The following ATXN10 variants were observed in gnomAD, a reference collection of about 807,000 sequenced individuals.
ATXN10 encodes the protein ataxin-10.
ATXN10 carries 28 observed loss-of-function variants against 52.9 expected under a neutral mutation model. The observed-to-expected ratio is 0.53, with a 90% CI of 0.39 to 0.73. ATXN10 has a LOEUF of 0.73. ATXN10 is among the 30% of genes least tolerant of loss of function. The probability of loss-of-function intolerance (pLI) is 0.00; values close to 1 mark genes in which losing one functional copy is unlikely to be tolerated. For missense variants in ATXN10, 565 were observed against 577.0 expected, an observed-to-expected ratio of 0.98 and a Z score of 0.21; for synonymous variants, 226 against 221.5, an observed-to-expected ratio of 1.02 and a Z score of -0.18.
chr22:45,714,245 T>C (rs1924361220), intron 5 of ATXN10, among the ~76,000 whole-genome samples: 1 of 152,154 alleles, frequency 6.6e-6, no homozygotes, highest in African/African-American at 2.4e-5. Flanking sequence ...TGTATTCTAA[T>C]TTTCTTTACC....
intron 5 of ATXN10, among the ~76,000 whole-genome samples, chr22:45,706,457 T>C (rs114551603): frequency 9.8e-5 from 15 of 152,314 alleles, no homozygotes; most frequent in African/African-American, 3.6e-4. Context: ...TTTGGTTTGC[T>C]CTTCTTTTTC....
chr22:45,775,909 C>T lies in ATXN10; in HGVS notation c.1174-31050C>T, dbSNP rs1712999355. On this transcript the variant is annotated intron_variant, in intron 9 of 11. Transcript: ENST00000252934. This position sits in a 1 kb window ranked among gnomAD's most constrained non-coding sequence, Gnocchi z 4.7. Reference sequence around the variant, plus strand: ...TTGCTGGTGTTTGAAACCTGGAGCTCCCGGAGATTAAGTGGAGCCACCATG... The same window carrying T: ...TTGCTGGTGTTTGAAACCTGGAGCTTCCGGAGATTAAGTGGAGCCACCATG... 6.6e-6 allele frequency among the ~76,000 whole-genome samples: 1 copy of T among 152,124 alleles called. No individual in the cohort carries two copies. Among genetic ancestry groups the T allele is most frequent in the Non-Finnish European group, 1.5e-5 (1 of 68,026 alleles).
intron 9 of ATXN10, among the ~76,000 whole-genome samples, chr22:45,797,127 C>T (rs893672711): frequency 8.5e-5 from 13 of 152,094 alleles, no homozygotes; most frequent in African/African-American, 1.7e-4. Flanking sequence ...CAGTCATAAT[C>T]GGAGATATCA....
rs572756607 is a variant in ATXN10, at chr22:45,837,204, A to T, written c.1238-5787A>T. Among the ~76,000 whole-genome samples, 2 of 152,322 alleles carry T rather than the reference A, an allele frequency of 1.3e-5. No homozygotes were observed. The highest frequency in any genetic ancestry group is 3.9e-4 in the East Asian group (2 of 5,190). ...AAAAGTCTTTTAACACATTTAAATC[A>T]TTTTAATTTACATAATGCATATTTT... is the stretch of plus-strand genomic sequence containing the variant. On this transcript the variant is annotated intron_variant, in intron 10 of 11. Coordinates refer to ENST00000252934, the MANE Select transcript of ATXN10 (RefSeq NM_013236.4). The surrounding 1 kb of genome is among the most constrained non-coding windows in gnomAD (Gnocchi z 5.8).
At chr22:45,725,887 C>T (rs373572844) in intron 6 of ATXN10, among the ~76,000 whole-genome samples, 1 of 151,932 alleles carries the variant, frequency 6.6e-6, no homozygotes, top group Non-Finnish European at 1.5e-5. Context: ...TTTTGTTGAA[C>T]GTTTTTTCTG....
chr22:45,740,459 A>T lies in ATXN10; in HGVS notation c.1094A>T (p.Asn365Ile). The T allele has an allele frequency of 1.2e-6, 2 of 1,613,946 alleles. No homozygotes were observed. Among genetic ancestry groups the T allele is most frequent in the Non-Finnish European group, 1.7e-6 (2 of 1,179,914 alleles). Residue 365 changes from asparagine to isoleucine, a missense_variant, in exon 9 of 12, where the codon AAT becomes ATT. Transcript: ENST00000252934. Reference protein sequence around the residue: ...GCVRAEGDISNVANGFKSHLI... With the variant: ...GCVRAEGDISIVANGFKSHLI... ...GTGAGAGCAGAAGGTGACATCTCCA[A>T]TGTGGCCAATGGGTTTAAGTCTCAT...
In ATXN10 at chr22:45,727,221, C is replaced by A. The variant is rs944825315; in HGVS notation, c.729-2204C>A. 6.6e-6 allele frequency among the ~76,000 whole-genome samples: 1 copy of A among 152,072 alleles called. No individual in the cohort carries two copies. Among genetic ancestry groups the A allele is most frequent in the Non-Finnish European group, 1.5e-5 (1 of 68,024 alleles). ...CATGCAGGAGCAGCTTGTTTAATTT[C>A]CGTGTATTTATGTAGTTTTGAGGGT... On this transcript the variant is annotated intron_variant, in intron 6 of 11. Transcript: ENST00000252934. This position sits in a 1 kb window ranked among gnomAD's most constrained non-coding sequence, Gnocchi z 4.6.
rs758336493 is a variant in ATXN10 at position 45,843,684 on chromosome 22, C to G, written c.*13C>G. On this transcript the variant is annotated 3_prime_UTR_variant, in exon 12 of 12. Transcript: ENST00000252934. The surrounding 1 kb of genome is among the most constrained non-coding windows in gnomAD (Gnocchi z 4.5). ...TCTTCTTTAGTGAATGAACTACATC[C>G]AAATACCTGAATTTTTGGAATCTGT... 2.0e-5 allele frequency: 32 copies of G among 1,610,696 alleles called. No individual in the cohort carries two copies. In the East Asian group the frequency reaches 5.4e-4, roughly 27 times the overall value.
intron 1 of ATXN10, chr22:45,676,521 C>G (rs961417489): frequency 2.6e-5 from 4 of 151,540 alleles, no homozygotes; most frequent in African/African-American, 9.7e-5. Flanking sequence ...CTCTTGTTGC[C>G]CAGGTTGGAG....
chr22:45,769,747 G>A lies in ATXN10; in HGVS notation c.1173+29209G>A, dbSNP rs1243240032. On this transcript the variant is annotated intron_variant, in intron 9 of 11. Transcript: ENST00000252934. This position sits in a 1 kb window ranked among gnomAD's most constrained non-coding sequence, Gnocchi z 4.2. ...GGCCTCTTTTCTCTTGCCTTCTCGA[G>A]TAGCCTGACAAGATGTCTGCCAGGT... Among the ~76,000 whole-genome samples the A allele has an allele frequency of 6.6e-6, 1 of 152,162 alleles. No individual in the cohort carries two copies. The highest frequency in any genetic ancestry group is 2.4e-5 in the African/African-American group (1 of 41,434).
At position 45,672,116 on chromosome 22, in the gene ATXN10, CG is replaced by C; in HGVS notation, c.54del (p.Ile20SerfsTer35). ...AGGCTGTCGGGCGTCATGGTGCCGG[CG>C]CCCATCCAAGACCTGGAGGCCCTGC... The part of the protein sequence containing the change: ...PARLSGVMVP[A>X]PIQDLEALRA... On this transcript the variant is annotated frameshift_variant, in exon 1 of 12. Coordinates refer to ENST00000252934, the MANE Select transcript of ATXN10 (RefSeq NM_013236.4). LOFTEE classifies it high-confidence loss of function. 6.5e-7 allele frequency: 1 copy of C among 1,540,180 alleles called. No homozygotes were observed. Among genetic ancestry groups the C allele is most frequent in the Non-Finnish European group, 8.7e-7 (1 of 1,145,590 alleles).
rs1926592992 is a variant in ATXN10 at position 45,766,674 on chromosome 22, T to A, written c.1173+26136T>A. Among the ~76,000 whole-genome samples the A allele has an allele frequency of 6.6e-6, 1 of 151,688 alleles. No homozygotes were observed. Among genetic ancestry groups the A allele is most frequent in the Non-Finnish European group, 1.5e-5 (1 of 68,020 alleles). Reference sequence around the variant, plus strand: ...GCAATAAGAGAAAAGGTTGATAAATTTAAGTACATTTTTAAAAAGTTGGAT... The same window carrying A: ...GCAATAAGAGAAAAGGTTGATAAATATAAGTACATTTTTAAAAAGTTGGAT... On this transcript the variant is annotated intron_variant, in intron 9 of 11. Transcript: ENST00000252934. The surrounding 1 kb of genome is among the most constrained non-coding windows in gnomAD (Gnocchi z 4.6).
In ATXN10 at chr22:45,744,199, T is replaced by G. The variant is rs1319875063; in HGVS notation, c.1173+3661T>G. Reference sequence around the variant, plus strand: ...TCTGGCATCATCTGGGGACCATGCTTGCCTCTTTGAATCAGAATCTCAAAA... The same window carrying G: ...TCTGGCATCATCTGGGGACCATGCTGGCCTCTTTGAATCAGAATCTCAAAA... On this transcript the variant is annotated intron_variant, in intron 9 of 11. Coordinates refer to ENST00000252934, the MANE Select transcript of ATXN10 (RefSeq NM_013236.4). This position sits in a 1 kb window ranked among gnomAD's most constrained non-coding sequence, Gnocchi z 4.9. Among the ~76,000 whole-genome samples, 1 of 152,204 alleles carries G rather than the reference T, an allele frequency of 6.6e-6. No individual in the cohort carries two copies. Among genetic ancestry groups the G allele is most frequent in the Non-Finnish European group, 1.5e-5 (1 of 68,042 alleles).
At chr22:45,702,069 C>G (rs1601596191) in intron 4 of ATXN10, among the ~76,000 whole-genome samples, 1 of 152,034 alleles carries the variant, frequency 6.6e-6, no homozygotes, top group East Asian at 1.9e-4. Flanking sequence ...CCAAGTGAAG[C>G]TAACAAATTC....
At chr22:45,836,367 T>C (rs1569083831) in intron 10 of ATXN10, among the ~76,000 whole-genome samples, 1 of 152,234 alleles carries the variant, frequency 6.6e-6, no homozygotes, top group Admixed American at 6.5e-5. Context: ...AGTAAGGGGA[T>C]CTTCAGATGT....
Position 45,684,666 on chromosome 22 carries a change from T to C in ATXN10, c.117-5046T>C, listed in dbSNP as rs921532932. On this transcript the variant is annotated intron_variant, in intron 1 of 11. Transcript: ENST00000252934. This position sits in a 1 kb window ranked among gnomAD's most constrained non-coding sequence, Gnocchi z 4.1. ...TGTTTGGCCATCAGAGCTGGAAATA[T>C]TCACTCTCTGACCCTTTACAGAAAA... Among the ~76,000 whole-genome samples the C allele has an allele frequency of 8.5e-5, 13 of 152,294 alleles. No homozygotes were observed. In the South Asian group the frequency reaches 1.7e-3, roughly 19 times the overall value.
At position 45,784,712 on chromosome 22, in the gene ATXN10, A is replaced by G. The variant is rs1202804339; in HGVS notation, c.1174-22247A>G. 1.3e-5 allele frequency among the ~76,000 whole-genome samples: 2 copies of G among 152,176 alleles called. No individual in the cohort carries two copies. Among genetic ancestry groups the G allele is most frequent in the Non-Finnish European group, 1.5e-5 (1 of 68,028 alleles). ...CCTCATGGCTATTCTTACACATTCC[A>G]GATAGTCATTCTGAGGGCTGCTGTG... On this transcript the variant is annotated intron_variant, in intron 9 of 11. Transcript: ENST00000252934. This position sits in a 1 kb window ranked among gnomAD's most constrained non-coding sequence, Gnocchi z 4.2.
rs192663640 is a variant in ATXN10, at chr22:45,754,770, G to A, written c.1173+14232G>A. 2.0e-5 allele frequency among the ~76,000 whole-genome samples: 3 copies of A among 152,338 alleles called. No homozygotes were observed. In the East Asian group the frequency reaches 5.8e-4, roughly 29 times the overall value. On this transcript the variant is annotated intron_variant, in intron 9 of 11. Transcript: ENST00000252934. This position sits in a 1 kb window ranked among gnomAD's most constrained non-coding sequence, Gnocchi z 5.4. ...CTTGGGAGGCTGAGGCAGGAGGATC[G>A]CTTGAACTCTGGAGGCAGAGGTTGC...
At chr22:45,687,762 A>C (rs998887839) in intron 1 of ATXN10, among the ~76,000 whole-genome samples, 1 of 152,064 alleles carries the variant, frequency 6.6e-6, no homozygotes, top group Admixed American at 6.5e-5. Context: ...AAGCTACCTT[A>C]AGAATGTTAG....
Sources: gnomAD v4.1 joint callset for allele counts (sites outside exome capture counted in the v4.1 genomes callset) on GRCh38, gnomAD v4.1.1 for gene constraint, Gnocchi (gnomAD v3.1) non-coding constraint, MANE v1.5 for transcripts, NCBI Gene and HGNC (gene_info 2026-07-23, HGNC 2026-07-21) for gene names.